NKAIN2: variants seen among roughly 807,000 people sequenced by gnomAD.
NKAIN2 encodes sodium/potassium-transporting ATPase subunit beta-1-interacting protein 2.
NKAIN2 carries 14 observed loss-of-function variants against 32.6 expected under a neutral mutation model. The observed-to-expected ratio is 0.43, with a 90% CI of 0.28 to 0.67. The LOEUF (loss-of-function observed/expected upper bound fraction) is 0.67. Ranked by LOEUF, NKAIN2 falls within the 30% of genes least tolerant of loss-of-function variation. The probability of loss-of-function intolerance (pLI) is 0.17; values close to 1 mark genes in which losing one functional copy is unlikely to be tolerated. For missense variants in NKAIN2, 198 were observed against 258.3 expected (o/e 0.77, Z 1.60); for synonymous variants, 80 against 87.2 (o/e 0.92, Z 0.46).
intron 1 of NKAIN2, among the ~76,000 whole-genome samples, chr6:123,986,454 G>A (rs1582887381): frequency 6.6e-6 from 1 of 152,146 alleles, no homozygotes; most frequent in African/African-American, 2.4e-5. Context: ...CAAAAAGCAA[G>A]ATCTGGTAAA....
At chr6:124,005,002 C>G (rs1288271908) in intron 1 of NKAIN2, among the ~76,000 whole-genome samples, 1 of 151,658 alleles carries the variant, frequency 6.6e-6, no homozygotes, top group Non-Finnish European at 1.5e-5. Context: ...AGGCAGGTGA[C>G]TCACTTGAGT....
At chr6:124,538,874 T>C (rs1045864101) in intron 3 of NKAIN2, among the ~76,000 whole-genome samples, 1 of 152,206 alleles carries the variant, frequency 6.6e-6, no homozygotes. Context: ...GTTTTCAAAA[T>C]ATGTAATTGC....
At chr6:124,548,204 A>G (rs1203734639) in intron 3 of NKAIN2, among the ~76,000 whole-genome samples, 1 of 152,214 alleles carries the variant, frequency 6.6e-6, no homozygotes, top group Non-Finnish European at 1.5e-5. Flanking sequence ...GGAATAAAGT[A>G]TAAATAATCT....
intron 1 of NKAIN2, among the ~76,000 whole-genome samples, chr6:124,165,694 G>C (rs1250384553): frequency 7.2e-6 from 1 of 139,690 alleles, no homozygotes; most frequent in African/African-American, 2.7e-5. Context: ...AGTCCCCAGA[G>C]TGTGATGTTC....
intron 1 of NKAIN2, among the ~76,000 whole-genome samples, chr6:124,008,086 G>A (rs573076801): frequency 1.0e-3 from 159 of 152,250 alleles, no homozygotes; most frequent in African/African-American, 3.7e-3. Context: ...AGTGATGACC[G>A]AGGAGGAGTC....
chr6:123,898,477 A>G (rs764866970), intron 1 of NKAIN2, among the ~76,000 whole-genome samples: 19 of 151,972 alleles, frequency 1.3e-4, no homozygotes, highest in Non-Finnish European at 2.5e-4. Flanking sequence ...CTTTTCCTCC[A>G]GCTTCAGACT....
intron 3 of NKAIN2, among the ~76,000 whole-genome samples, chr6:124,511,710 T>TGTTCCAGGCATTCATGTTC (rs1778721709): frequency 6.6e-6 from 1 of 152,202 alleles, no homozygotes; most frequent in Admixed American, 6.5e-5. Context: ...TTTGTGGATT[T>TGTTCCAGGCATTCATGTTC]CAGGCATTCA....
rs141077233 is a variant in NKAIN2 at position 124,608,298 on chromosome 6, A to G, written c.274-49888A>G. The stretch of plus-strand genomic sequence containing the variant: ...ACTCATGGTGACTCCCTCTGCCTCC[A>G]GCACTTTCCATGTTATCAATGCAGA... On this transcript the variant is annotated intron_variant, in intron 3 of 6. Transcript: ENST00000368417. Among the ~76,000 whole-genome samples, 54 of 152,294 alleles carry G rather than the reference A, an allele frequency of 3.5e-4. No homozygotes were observed. In the East Asian group the frequency reaches 9.5e-3, roughly 27 times the overall value.
chr6:124,142,674 CAT>C (rs1392499056), intron 1 of NKAIN2, among the ~76,000 whole-genome samples: 1 of 152,046 alleles, frequency 6.6e-6, no homozygotes, highest in East Asian at 1.9e-4. Context: ...TTTTACGGTC[CAT>C]ATTTTCAAGA....
chr6:124,049,219 G>T (rs1782286472), intron 1 of NKAIN2, among the ~76,000 whole-genome samples: 1 of 151,834 alleles, frequency 6.6e-6, no homozygotes, highest in Non-Finnish European at 1.5e-5. Context: ...TTTCACACAT[G>T]GCTTAGCCTT....
rs1798936898 is a variant in NKAIN2, at chr6:124,355,630, T to C, written c.273+283T>C. On this transcript the variant is annotated intron_variant, in intron 3 of 6. Coordinates refer to ENST00000368417, the MANE Select transcript of NKAIN2 (RefSeq NM_001040214.3). ...CCACTGAATGATTTCTGAAGCAAAA[T>C]GTGAATTTTTTTCAGAGAAAAAAAT... is the stretch of plus-strand genomic sequence containing the variant. Among the ~76,000 whole-genome samples, 2 of 152,146 alleles carry C rather than the reference T, an allele frequency of 1.3e-5. 1 individual carries two copies.
At chr6:124,028,177 A>T (rs17086513) in intron 1 of NKAIN2, among the ~76,000 whole-genome samples, 1 of 152,064 alleles carries the variant, frequency 6.6e-6, no homozygotes, top group Non-Finnish European at 1.5e-5. Context: ...CATCCGCTCT[A>T]TAAAACCTTC....
chr6:124,295,073 A>G (rs767226861), intron 2 of NKAIN2, among the ~76,000 whole-genome samples: 37 of 152,178 alleles, frequency 2.4e-4, no homozygotes, highest in Non-Finnish European at 3.7e-4. Context: ...AGCGACTACC[A>G]TATTATAGTA....
intron 1 of NKAIN2, among the ~76,000 whole-genome samples, chr6:124,060,385 C>A (rs1454918426): frequency 6.6e-6 from 1 of 152,110 alleles, no homozygotes; most frequent in Non-Finnish European, 1.5e-5. Flanking sequence ...GGAAAAGTTT[C>A]TTGTATATAC....
intron 4 of NKAIN2, among the ~76,000 whole-genome samples, chr6:124,700,628 C>G (rs575328772): frequency 6.6e-6 from 1 of 152,014 alleles, no homozygotes; most frequent in Non-Finnish European, 1.5e-5. Context: ...GTTGTGCCCC[C>G]AAAACAGTTA....
At chr6:124,620,836 C>T (rs1015240145) in intron 3 of NKAIN2, among the ~76,000 whole-genome samples, 1 of 152,162 alleles carries the variant, frequency 6.6e-6, no homozygotes, top group Admixed American at 6.5e-5. Context: ...CTCTTAACTC[C>T]TGCTAAAGAA....
intron 1 of NKAIN2, among the ~76,000 whole-genome samples, chr6:124,269,860 G>T (rs1367563310): frequency 2.0e-5 from 3 of 151,970 alleles, no homozygotes; most frequent in Non-Finnish European, 4.4e-5. Flanking sequence ...TTCATCTCTT[G>T]ATTGGCCTTT....
chr6:124,796,551 G>A (rs934569736), intron 5 of NKAIN2, among the ~76,000 whole-genome samples: 3 of 152,042 alleles, frequency 2.0e-5, no homozygotes, highest in Non-Finnish European at 4.4e-5. Flanking sequence ...ATGCCTGTGG[G>A]TAAGAGGCTT....
intron 1 of NKAIN2, among the ~76,000 whole-genome samples, chr6:124,054,342 G>T (rs528164410): frequency 1.7e-4 from 26 of 152,124 alleles, no homozygotes; most frequent in African/African-American, 6.3e-4. Context: ...ATAAGTGGTT[G>T]GAAATGGTAG....
Sources: allele counts gnomAD v4.1 joint callset (sites outside exome capture counted in the v4.1 genomes callset), GRCh38; gene constraint gnomAD v4.1.1; transcripts MANE v1.5; gene names NCBI Gene and HGNC (gene_info 2026-07-23, HGNC 2026-07-21).